The following CWH43 variants were observed in gnomAD, a reference collection of about 807,000 sequenced individuals.
The protein encoded by CWH43 is cell wall biogenesis 43 C-terminal homolog.
Under a neutral mutation model 85.7 loss-of-function variants are expected in CWH43, and 91 were observed. The ratio of observed to expected loss-of-function variants is 1.06; its 90% CI spans 0.90 to 1.26. CWH43 has a LOEUF of 1.26. Ranked by LOEUF, CWH43 falls within the 50% of genes most tolerant of loss-of-function variation. The pLI is 0.00. For synonymous variants in CWH43, 323 were observed against 293.6 expected (o/e 1.10, Z -1.02); for missense variants, 869 against 839.2 (o/e 1.04, Z -0.44).
intron 6 of CWH43, among the ~76,000 whole-genome samples, chr4:49,000,610 T>C (rs1221551951): frequency 6.6e-6 from 1 of 152,236 alleles, no homozygotes; most frequent in African/African-American, 2.4e-5. Context: ...TCAGCATTTA[T>C]ATCATGCCTT....
intron 8 of CWH43, among the ~76,000 whole-genome samples, chr4:49,009,300 G>A (rs942542716): frequency 6.6e-6 from 1 of 152,134 alleles, no homozygotes; most frequent in Admixed American, 6.6e-5. Context: ...GTATAGGAAT[G>A]GTTGGGATTT....
intron 3 of CWH43, 43 bp from the exon 4 acceptor site, chr4:48,991,893 G>T: frequency 6.6e-7 from 1 of 1,520,432 alleles, no homozygotes; most frequent in South Asian, 1.2e-5. Context: ...ATAGTACATT[G>T]AGTCCACATA....
intron 10 of CWH43, among the ~76,000 whole-genome samples, chr4:49,030,489 T>C (rs1208346977): frequency 1.3e-5 from 2 of 152,222 alleles, no homozygotes; most frequent in Non-Finnish European, 2.9e-5. Flanking sequence ...AATGCTATGG[T>C]GCACCATTCT....
At chr4:49,000,699 A>G (rs1456619949) in intron 6 of CWH43, among the ~76,000 whole-genome samples, 2 of 152,244 alleles carry the variant, frequency 1.3e-5, no homozygotes, top group African/African-American at 4.8e-5. Flanking sequence ...ACAGAGAAAT[A>G]GACTGTTAGT....
At chr4:49,031,036 ATAT>A in intron 11 of CWH43, 76 bp downstream of exon 11, 1 of 1,345,226 alleles carries the variant, frequency 7.4e-7, no homozygotes, top group South Asian at 1.7e-5. Flanking sequence ...TGGCAAGTTG[ATAT>A]TGTAATATCT....
intron 7 of CWH43, among the ~76,000 whole-genome samples, chr4:49,005,841 C>T (rs920667400): frequency 1.3e-5 from 2 of 152,102 alleles, no homozygotes; most frequent in Non-Finnish European, 1.5e-5. Flanking sequence ...TGTTACAGTT[C>T]CCCTGGTGCC....
intron 11 of CWH43, among the ~76,000 whole-genome samples, chr4:49,031,450 G>A (rs1784093302): frequency 6.6e-6 from 1 of 152,186 alleles, no homozygotes; most frequent in Non-Finnish European, 1.5e-5. Flanking sequence ...GCCTTGGGAA[G>A]AGCTGAGGGA....
intron 12 of CWH43, among the ~76,000 whole-genome samples, chr4:49,037,494 C>T (rs1335478032): frequency 3.3e-5 from 5 of 150,982 alleles, no homozygotes; most frequent in South Asian, 2.1e-4. Flanking sequence ...TGCATGAATG[C>T]GGGAGGTGGA....
chr4:49,048,809 G>C (rs1312189462), intron 14 of CWH43, among the ~76,000 whole-genome samples: 1 of 152,058 alleles, frequency 6.6e-6, no homozygotes. Context: ...AATGAATTTT[G>C]GGGGGAACAC....
chr4:49,057,926 C>T (rs192262287), intron 15 of CWH43, among the ~76,000 whole-genome samples: 55 of 152,298 alleles, frequency 3.6e-4, no homozygotes, highest in African/African-American at 1.3e-3. Context: ...AGAGCCATCC[C>T]ACATCTCTTT....
At chr4:49,039,774 T>C (rs1346887167) in intron 13 of CWH43, among the ~76,000 whole-genome samples, 2 of 151,992 alleles carry the variant, frequency 1.3e-5, no homozygotes, top group Non-Finnish European at 2.9e-5. Context: ...CTTTAAGTTT[T>C]AGGGTACATG....
intron 15 of CWH43, among the ~76,000 whole-genome samples, chr4:49,060,860 C>A (rs1785132689): frequency 6.6e-6 from 1 of 152,042 alleles, no homozygotes; most frequent in South Asian, 2.1e-4. Context: ...ACACAATTAT[C>A]CTTCTTTTGT....
intron 13 of CWH43, among the ~76,000 whole-genome samples, chr4:49,041,936 A>G (rs946941914): frequency 3.3e-5 from 5 of 152,218 alleles, no homozygotes; most frequent in Admixed American, 3.3e-4. Flanking sequence ...GAGAGGTGCA[A>G]TGTTTAGTCC....
At chr4:49,039,336 G>GTATATATAT (rs1784374546) in intron 13 of CWH43, among the ~76,000 whole-genome samples, 4 of 4,426 alleles carry the variant, frequency 9.0e-4, no homozygotes, top group Non-Finnish European at 2.4e-3. Flanking sequence ...TATATATACT[G>GTATATATAT]ATGTATATAT....
At chr4:48,990,090 ACTGG>A (rs1782611042) in intron 2 of CWH43, among the ~76,000 whole-genome samples, 1 of 152,188 alleles carries the variant, frequency 6.6e-6, no homozygotes, top group Admixed American at 6.5e-5. Context: ...CTGAGTAGTT[ACTGG>A]GACAGTTTCC....
At position 49,047,993 on chromosome 4, in the gene CWH43, C is replaced by T. The variant is rs150548406; in HGVS notation, c.1866-2701C>T. Among the ~76,000 whole-genome samples, 728 of 152,178 alleles carry T rather than the reference C, an allele frequency of 4.8e-3. 2 individuals are homozygous for T. The highest frequency in any genetic ancestry group is 8.4e-3 in the Non-Finnish European group (573 of 68,002). On this transcript the variant is annotated intron_variant, in intron 14 of 15. Coordinates refer to ENST00000226432, the MANE Select transcript of CWH43 (RefSeq NM_025087.3). The stretch of plus-strand genomic sequence containing the variant: ...ATAATTTGGTGTTTCCAAAGTGTTA[C>T]GGTAGGAGAGAAGGTGCTGAAGGGT...
chr4:49,041,275 G>A (rs1784453681), intron 13 of CWH43, among the ~76,000 whole-genome samples: 2 of 152,156 alleles, frequency 1.3e-5, no homozygotes, highest in Admixed American at 6.5e-5. Context: ...TTCCAATTCT[G>A]TGAAGAAAGT....
chr4:49,060,836 T>C (rs1785132121), intron 15 of CWH43, among the ~76,000 whole-genome samples: 1 of 152,214 alleles, frequency 6.6e-6, no homozygotes, highest in African/African-American at 2.4e-5. Context: ...AACTCTTATA[T>C]ATATCTATAC....
chr4:49,033,080 C>A (rs1374651832), intron 12 of CWH43, among the ~76,000 whole-genome samples: 1 of 152,140 alleles, frequency 6.6e-6, no homozygotes, highest in Non-Finnish European at 1.5e-5. Context: ...CCCATCCAAC[C>A]AGGAGCAAGC....
Sources: allele counts gnomAD v4.1 joint callset (sites outside exome capture counted in the v4.1 genomes callset), GRCh38; gene constraint gnomAD v4.1.1; transcripts MANE v1.5; gene names NCBI Gene and HGNC (gene_info 2026-07-23, HGNC 2026-07-21).